The following CLVS1 variants were observed in gnomAD, a reference collection of about 807,000 sequenced individuals.
CLVS1 encodes the protein clavesin 1.
CLVS1 carries 10 observed loss-of-function variants against 33.1 expected under a neutral mutation model. That is an observed-to-expected ratio of 0.30 (90% CI 0.19 to 0.51). The LOEUF (loss-of-function observed/expected upper bound fraction) is 0.51, where lower values mean the gene tolerates loss of function less well. CLVS1 is among the 20% of genes least tolerant of loss of function. The pLI is 0.97. For missense variants in CLVS1, 343 were observed against 433.4 expected (o/e 0.79, Z 1.85); for synonymous variants, 163 against 166.1 (o/e 0.98, Z 0.14).
intron 3 of CLVS1, among the ~76,000 whole-genome samples, chr8:61,412,758 A>G (rs909499799): frequency 1.3e-5 from 2 of 152,212 alleles, no homozygotes; most frequent in Non-Finnish European, 1.5e-5. Flanking sequence ...AAGGGGAGGT[A>G]GTGAGAAATT....
At chr8:61,398,183 T>C (rs1814610300) in intron 3 of CLVS1, among the ~76,000 whole-genome samples, 1 of 119,842 alleles carries the variant, frequency 8.3e-6, no homozygotes, top group Non-Finnish European at 1.6e-5. Context: ...AAGCTTTACT[T>C]TTTTTTTTTT....
intron 1 of CLVS1, among the ~76,000 whole-genome samples, chr8:61,115,389 A>G (rs901134342): frequency 2.0e-5 from 3 of 148,600 alleles, no homozygotes; most frequent in East Asian, 2.0e-4. Context: ...ATTTATTTTT[A>G]TTATACTTTA....
chr8:61,070,045 G>T (rs182389231), intron 1 of CLVS1, among the ~76,000 whole-genome samples: 1 of 152,004 alleles, frequency 6.6e-6, no homozygotes, highest in Non-Finnish European at 1.5e-5. Flanking sequence ...CACCCGCCTC[G>T]GCCTCCAAAA....
At chr8:61,259,520 T>C (rs1376315307) in intron 2 of CLVS1, among the ~76,000 whole-genome samples, 5 of 152,212 alleles carry the variant, frequency 3.3e-5, no homozygotes, top group Non-Finnish European at 5.9e-5. Flanking sequence ...TCATATGCAG[T>C]CCTGTGTAGA....
In CLVS1 at chr8:61,354,243, C is replaced by T. The variant is rs142434827; in HGVS notation, c.456-22362C>T. ...TCGACATCACTAGTTATTAGGGAAACGCCAATCAAGACCACAATGAGATAC... is the reference window on the plus strand; with the variant it reads ...TCGACATCACTAGTTATTAGGGAAATGCCAATCAAGACCACAATGAGATAC... On this transcript the variant is annotated intron_variant, in intron 2 of 5. Transcript: ENST00000325897. 4.0e-3 allele frequency among the ~76,000 whole-genome samples: 602 copies of T among 152,090 alleles called. 3 individuals carry two copies. The highest frequency in any genetic ancestry group is 0.011 in the Admixed American group (167 of 15,248).
intron 3 of CLVS1, among the ~76,000 whole-genome samples, chr8:61,418,557 A>G (rs1815533424): frequency 6.6e-6 from 1 of 152,210 alleles, no homozygotes; most frequent in African/African-American, 2.4e-5. Flanking sequence ...ACAAACATAG[A>G]TAAATAAATA....
intron 2 of CLVS1, among the ~76,000 whole-genome samples, chr8:61,262,298 G>A (rs1358635067): frequency 6.6e-6 from 1 of 152,128 alleles, no homozygotes; most frequent in African/African-American, 2.4e-5. Context: ...TTACAGATGT[G>A]AGTGATTGTG....
intron 2 of CLVS1, among the ~76,000 whole-genome samples, chr8:61,149,212 T>C (rs913971578): frequency 4.0e-5 from 6 of 151,266 alleles, no homozygotes; most frequent in African/African-American, 1.5e-4. Context: ...AAAAAAATAG[T>C]TGAAAGAAAG....
At chr8:61,399,790 G>A (rs1398704874) in intron 3 of CLVS1, among the ~76,000 whole-genome samples, 1 of 152,134 alleles carries the variant, frequency 6.6e-6, no homozygotes, top group Non-Finnish European at 1.5e-5. Context: ...ATTAAATAGG[G>A]AATCCTTTCC....
rs143483306 is a variant in CLVS1 at position 61,309,912 on chromosome 8, T to C, written c.455+9630T>C. ...GGTTTGCCTTTGGCTTTTGCAAGAG[T>C]GTTAAAGAGCTTTTTACAAGTAGCG... On this transcript the variant is annotated intron_variant, in intron 2 of 5. Transcript: ENST00000325897. 5.0e-3 allele frequency among the ~76,000 whole-genome samples: 768 copies of C among 152,156 alleles called. 4 individuals are homozygous for C. The highest frequency in any genetic ancestry group is 0.017 in the African/African-American group (694 of 41,508).
chr8:61,400,781 T>C (rs1814718244), intron 3 of CLVS1, among the ~76,000 whole-genome samples: 1 of 152,192 alleles, frequency 6.6e-6, no homozygotes, highest in South Asian at 2.1e-4. Context: ...TCTGTGTCGA[T>C]TGAGATAATC....
chr8:61,204,641 C>A (rs1807803297), intron 2 of CLVS1, among the ~76,000 whole-genome samples: 1 of 152,120 alleles, frequency 6.6e-6, no homozygotes, highest in African/African-American at 2.4e-5. Flanking sequence ...TTTCATAGAA[C>A]AAAATAAATG....
intron 3 of CLVS1, among the ~76,000 whole-genome samples, chr8:61,453,678 C>A (rs996351342): frequency 6.6e-6 from 1 of 152,188 alleles, no homozygotes; most frequent in Non-Finnish European, 1.5e-5. Context: ...ACACAGCCAG[C>A]ACTCACTCAC....
chr8:61,144,754 G>T (rs148679877), intron 2 of CLVS1, among the ~76,000 whole-genome samples: 315 of 152,306 alleles, frequency 2.1e-3, no homozygotes, highest in African/African-American at 7.2e-3. Flanking sequence ...TATTCTAACT[G>T]GCGTGAGATG....
intron 5 of CLVS1, among the ~76,000 whole-genome samples, chr8:61,486,611 TGAG>T (rs1213059311): frequency 2.6e-5 from 4 of 152,188 alleles, no homozygotes; most frequent in African/African-American, 9.7e-5. Flanking sequence ...ATGGAGGAGT[TGAG>T]GAGGTAAGTG....
At chr8:61,251,503 T>C (rs532031418) in intron 2 of CLVS1, among the ~76,000 whole-genome samples, 1 of 152,354 alleles carries the variant, frequency 6.6e-6, no homozygotes, top group East Asian at 1.9e-4. Context: ...AGCTCCTCTT[T>C]GTACCTCTGG....
At chr8:61,204,421 G>A (rs1351256082) in intron 2 of CLVS1, among the ~76,000 whole-genome samples, 1 of 152,154 alleles carries the variant, frequency 6.6e-6, no homozygotes, top group East Asian at 1.9e-4. Context: ...TTTTCTGCTA[G>A]ATAAATATCC....
At chr8:61,479,252 C>T (rs1157624230) in intron 5 of CLVS1, among the ~76,000 whole-genome samples, 1 of 152,128 alleles carries the variant, frequency 6.6e-6, no homozygotes, top group East Asian at 1.9e-4. Context: ...TCACATAGTC[C>T]CATACTTCTT....
At chr8:61,244,775 T>A (rs964522984) in intron 2 of CLVS1, among the ~76,000 whole-genome samples, 18 of 152,190 alleles carry the variant, frequency 1.2e-4, no homozygotes, top group African/African-American at 4.3e-4. Flanking sequence ...TTCTGCTCAA[T>A]TTTTCTGTAA....
Sources: allele counts gnomAD v4.1 joint callset (sites outside exome capture counted in the v4.1 genomes callset), GRCh38; gene constraint gnomAD v4.1.1; transcripts MANE v1.5; gene names NCBI Gene and HGNC (gene_info 2026-07-23, HGNC 2026-07-21).